The following MACROD2 variants were observed in gnomAD, a reference collection of about 807,000 sequenced individuals.
MACROD2 encodes the protein ADP-ribose glycohydrolase MACROD2.
MACROD2 carries 36 observed loss-of-function variants against 70.4 expected under a neutral mutation model. The observed-to-expected ratio is 0.51, with a 90% CI of 0.39 to 0.68. The LOEUF (loss-of-function observed/expected upper bound fraction) is 0.68, where lower values mean the gene tolerates loss of function less well. Among genes scored for constraint, MACROD2 ranks in the 30% least tolerant of loss-of-function variants. MACROD2 has a pLI of 0.00. For synonymous variants in MACROD2, 172 were observed against 178.8 expected (o/e 0.96, Z 0.30); for missense variants, 496 against 538.4 (o/e 0.92, Z 0.78).
rs142894801 is a variant in MACROD2 at position 15,891,041 on chromosome 20, A to G, written c.775+5230A>G. Among the ~76,000 whole-genome samples the G allele has an allele frequency of 1.8e-4, 28 of 152,294 alleles. No homozygotes were observed. In the East Asian group the frequency reaches 3.9e-3, roughly 21 times the overall value. On this transcript the variant is annotated intron_variant, in intron 10 of 17. Transcript: ENST00000684519. Reference sequence around the variant, plus strand: ...GATGAGGTGAGGAAGGAGACATACAATAAAGGGATACACCAGAGAGTGAGA... The same window carrying G: ...GATGAGGTGAGGAAGGAGACATACAGTAAAGGGATACACCAGAGAGTGAGA...
intron 6 of MACROD2, among the ~76,000 whole-genome samples, chr20:15,298,030 C>A (rs1412168034): frequency 6.6e-6 from 1 of 152,174 alleles, no homozygotes; most frequent in African/African-American, 2.4e-5. Context: ...TCAATTTTTT[C>A]ATGACAAGTG....
At chr20:15,798,959 A>T (rs2063699582) in intron 8 of MACROD2, among the ~76,000 whole-genome samples, 1 of 152,194 alleles carries the variant, frequency 6.6e-6, no homozygotes, top group African/African-American at 2.4e-5. Flanking sequence ...AAAACAAATG[A>T]ACAAAGAAAG....
intron 5 of MACROD2, among the ~76,000 whole-genome samples, chr20:14,865,986 A>T (rs1007390459): frequency 1.3e-5 from 2 of 152,152 alleles, no homozygotes; most frequent in African/African-American, 4.8e-5. Context: ...GAGTATGTAT[A>T]GAGGTCAAGT....
intron 3 of MACROD2, among the ~76,000 whole-genome samples, chr20:14,465,574 T>G (rs1469039713): frequency 6.6e-6 from 1 of 152,086 alleles, no homozygotes; most frequent in African/African-American, 2.4e-5. Flanking sequence ...GATCCTGTCA[T>G]TATGATGTTA....
intron 2 of MACROD2, among the ~76,000 whole-genome samples, chr20:14,003,296 T>A (rs1792966801): frequency 1.3e-5 from 2 of 152,172 alleles, no homozygotes; most frequent in Non-Finnish European, 1.5e-5. Context: ...AGAGAACACA[T>A]TGACCTGAGG....
At chr20:14,512,881 T>G (rs886261464) in intron 4 of MACROD2, among the ~76,000 whole-genome samples, 1 of 152,090 alleles carries the variant, frequency 6.6e-6, no homozygotes, top group African/African-American at 2.4e-5. Context: ...GAGCCCTAAG[T>G]TGTTGTGCCA....
At chr20:14,299,638 T>C (rs2082458129) in intron 3 of MACROD2, among the ~76,000 whole-genome samples, 1 of 152,190 alleles carries the variant, frequency 6.6e-6, no homozygotes, top group African/African-American at 2.4e-5. Flanking sequence ...GCAATGTCTC[T>C]GAGGTATGCC....
chr20:14,953,787 A>G (rs1164764264), intron 5 of MACROD2, among the ~76,000 whole-genome samples: 2 of 152,086 alleles, frequency 1.3e-5, no homozygotes, highest in Admixed American at 6.6e-5. Flanking sequence ...TGGTTTTACA[A>G]ATTGCAAATT....
chr20:14,737,898 C>A (rs1301630073), intron 5 of MACROD2, among the ~76,000 whole-genome samples: 1 of 152,034 alleles, frequency 6.6e-6, no homozygotes, highest in South Asian at 2.1e-4. Context: ...AAAAAAGTTT[C>A]TTTGGAAGAA....
intron 3 of MACROD2, among the ~76,000 whole-genome samples, chr20:14,186,594 G>A (rs2148735068): frequency 6.6e-6 from 1 of 152,246 alleles, no homozygotes; most frequent in Non-Finnish European, 1.5e-5. Context: ...TCCCATTACT[G>A]GGTATATACC....
intron 4 of MACROD2, among the ~76,000 whole-genome samples, chr20:14,674,477 G>A (rs954691526): frequency 2.6e-5 from 4 of 152,066 alleles, no homozygotes; most frequent in Admixed American, 6.6e-5. Flanking sequence ...GTTTACTCAC[G>A]AAAATCCTAT....
At chr20:14,267,891 G>T (rs546353191) in intron 3 of MACROD2, among the ~76,000 whole-genome samples, 2 of 151,986 alleles carry the variant, frequency 1.3e-5, no homozygotes, top group East Asian at 1.9e-4. Flanking sequence ...ACCATTCATG[G>T]GCAAGAATCT....
At chr20:14,942,122 C>T (rs2074395714) in intron 5 of MACROD2, among the ~76,000 whole-genome samples, 1 of 152,008 alleles carries the variant, frequency 6.6e-6, no homozygotes, top group Non-Finnish European at 1.5e-5. Flanking sequence ...TCTGTAGACA[C>T]TCTAACAATG....
chr20:15,843,899 A>G (rs2064201224), intron 8 of MACROD2, among the ~76,000 whole-genome samples: 1 of 152,058 alleles, frequency 6.6e-6, no homozygotes, highest in Admixed American at 6.6e-5. Context: ...GACATCAGTA[A>G]TGGTTGTTTT....
chr20:14,286,135 A>T (rs979410), intron 3 of MACROD2, among the ~76,000 whole-genome samples: 2,298 of 152,240 alleles, frequency 0.015, 24 homozygotes, highest in African/African-American at 0.027. Context: ...AAGAAAAATA[A>T]ACCCAATTGA....
intron 5 of MACROD2, among the ~76,000 whole-genome samples, chr20:14,729,841 C>T (rs1163628574): frequency 1.3e-5 from 2 of 151,728 alleles, no homozygotes; most frequent in Admixed American, 6.6e-5. Flanking sequence ...TCCACAAAAG[C>T]AGCAAAGGTA....
chr20:14,427,527 T>A (rs567013412), intron 3 of MACROD2, among the ~76,000 whole-genome samples: 2 of 151,584 alleles, frequency 1.3e-5, no homozygotes, highest in East Asian at 1.9e-4. Flanking sequence ...ATAATATACA[T>A]GTAACATAAT....
intron 3 of MACROD2, among the ~76,000 whole-genome samples, chr20:14,477,521 C>T (rs1228198582): frequency 6.6e-6 from 1 of 151,638 alleles, no homozygotes; most frequent in Admixed American, 6.6e-5. Flanking sequence ...TGTCCAAGAA[C>T]TTGCTTCCTT....
chr20:15,461,521 G>A (rs114014325), intron 7 of MACROD2, among the ~76,000 whole-genome samples: 2,373 of 152,260 alleles, frequency 0.016, 44 homozygotes, highest in Middle Eastern at 0.051. Flanking sequence ...CTTAGAATGA[G>A]TCTTTACATA....
Sources: gnomAD v4.1 joint callset for allele counts (sites outside exome capture counted in the v4.1 genomes callset) on GRCh38, gnomAD v4.1.1 for gene constraint, MANE v1.5 for transcripts, NCBI Gene and HGNC (gene_info 2026-07-23, HGNC 2026-07-21) for gene names.